The following METTL22 variants were observed in gnomAD, a reference collection of about 807,000 sequenced individuals.
METTL22 encodes the protein methyltransferase-like protein 22.
A neutral mutation model predicts 48.4 loss-of-function variants in METTL22; 51 were observed. The ratio of observed to expected loss-of-function variants is 1.05; its 90% CI spans 0.84 to 1.33. The LOEUF is 1.33. METTL22 is among the 40% of genes most tolerant of loss of function. METTL22 has a pLI of 0.00. For missense variants in METTL22, 678 were observed against 526.9 expected (o/e 1.29, Z -2.81); for synonymous variants, 255 against 214.1 (o/e 1.19, Z -1.67).
At chr16:8,658,313 T>C in the METTL22 span, among the ~76,000 whole-genome samples, 3 of 152,254 alleles carry the variant, frequency 2.0e-5, no homozygotes, top group African/African-American at 7.2e-5. Flanking sequence ...TGCGGACTTC[T>C]GGTTTACAGA....
At chr16:8,637,526 G>C (rs1371492696) in intron 5 of METTL22, among the ~76,000 whole-genome samples, 2 of 152,258 alleles carry the variant, frequency 1.3e-5, no homozygotes, top group African/African-American at 4.8e-5. Flanking sequence ...ACTTCACAGT[G>C]ACTCTGGGCA....
At chr16:8,645,036 C>G (rs918038981) in intron 10 of METTL22, 2 of 215,894 alleles carry the variant, frequency 9.3e-6, no homozygotes, top group Non-Finnish European at 1.8e-5. Context: ...GTTTGGGGAA[C>G]AGGAAGTCAG....
At chr16:8,660,467 C>A in the METTL22 span, among the ~76,000 whole-genome samples, 87,546 of 151,772 alleles carry the variant, frequency 0.58, 27,342 homozygotes, top group East Asian at 0.89. Context: ...GTGTGACCCA[C>A]TGCGCCCAGC....
At chr16:8,626,379 C>T (rs1301428145) in intron 2 of METTL22, among the ~76,000 whole-genome samples, 1 of 151,968 alleles carries the variant, frequency 6.6e-6, no homozygotes, top group Admixed American at 6.6e-5. Context: ...ATGAGCCAAA[C>T]TTTGCCGTCA....
At chr16:8,658,028 G>A in the METTL22 span, among the ~76,000 whole-genome samples, 43 of 152,210 alleles carry the variant, frequency 2.8e-4, no homozygotes, top group East Asian at 6.6e-3. Flanking sequence ...TGTTGCCCAG[G>A]CTGGTCTCAA....
intron 5 of METTL22, 67 bp from the exon 6 acceptor site, chr16:8,639,024 G>A: frequency 7.2e-7 from 1 of 1,386,572 alleles, no homozygotes; most frequent in South Asian, 1.2e-5. Flanking sequence ...CTCTCTCTAG[G>A]CAAAAAACAT....
the METTL22 span, among the ~76,000 whole-genome samples, chr16:8,661,555 G>A: frequency 7.4e-6 from 1 of 135,478 alleles, no homozygotes; most frequent in Non-Finnish European, 1.6e-5. Flanking sequence ...CTGAGGAGGA[G>A]AATGGCGTGA....
At chr16:8,642,635 T>A in intron 9 of METTL22, 70 bp downstream of exon 9, 1 of 1,400,598 alleles carries the variant, frequency 7.1e-7, no homozygotes, top group Non-Finnish European at 1.0e-6. Flanking sequence ...CCTAATTGTG[T>A]CCTTGTCAGT....
intron 3 of METTL22, among the ~76,000 whole-genome samples, chr16:8,630,738 G>A (rs1045828411): frequency 2.6e-5 from 4 of 152,158 alleles, no homozygotes; most frequent in South Asian, 2.1e-4. Flanking sequence ...GCCCTGTTCC[G>A]GTGACCTCAC....
At chr16:8,641,025 G>C (rs995665112) in intron 6 of METTL22, 106 bp from the exon 7 acceptor site, 17 of 1,036,078 alleles carry the variant, frequency 1.6e-5, no homozygotes, top group East Asian at 5.2e-5. Context: ...TGAGAGCAAG[G>C]GTGGGTGGGT....
the METTL22 span, among the ~76,000 whole-genome samples, chr16:8,659,192 A>G: frequency 6.6e-6 from 1 of 152,100 alleles, no homozygotes; most frequent in Non-Finnish European, 1.5e-5. Flanking sequence ...TTAGTTGGGC[A>G]CAGTGGTGTG....
At chr16:8,623,187 G>A (rs1016972739) in intron 1 of METTL22, among the ~76,000 whole-genome samples, 1 of 151,964 alleles carries the variant, frequency 6.6e-6, no homozygotes, top group Non-Finnish European at 1.5e-5. Flanking sequence ...TGTGGTGCAT[G>A]CCTGTAGTCC....
chr16:8,628,847 G>A lies in METTL22; in HGVS notation c.251G>A (p.Ser84Asn). The A allele has an allele frequency of 5.6e-6, 9 of 1,614,150 alleles. No homozygotes were observed. The highest frequency in any genetic ancestry group is 7.6e-6 in the Non-Finnish European group (9 of 1,180,036). The change falls in exon 3 of 11, where the codon AGC becomes AAC. Residue 84 changes from serine (S) to asparagine (N), a missense_variant. Transcript: ENST00000381920. ...GAGCCTCCTTCTGCTGAGACAGGCA[G>A]CACAGGGTCCCCTCCAGGAAGTGGC... Reference protein sequence around the residue: ...TKEPPSAETGSTGSPPGSGHG... With the variant: ...TKEPPSAETGNTGSPPGSGHG...
At chr16:8,654,703 C>G in the METTL22 span, among the ~76,000 whole-genome samples, 1 of 152,132 alleles carries the variant, frequency 6.6e-6, no homozygotes, top group African/African-American at 2.4e-5. Context: ...CAAATCATCC[C>G]TTGGGTGGGT....
At chr16:8,660,041 G>A in the METTL22 span, among the ~76,000 whole-genome samples, 1 of 151,884 alleles carries the variant, frequency 6.6e-6, no homozygotes, top group Non-Finnish European at 1.5e-5. Context: ...TTTCATTTCT[G>A]TTGAACTGAA....
At chr16:8,660,414 A>AGTGATCC in the METTL22 span, among the ~76,000 whole-genome samples, 1 of 151,860 alleles carries the variant, frequency 6.6e-6, no homozygotes, top group African/African-American at 2.4e-5. Flanking sequence ...CCTGACCTCA[A>AGTGATCC]GTGATCCGCC....
intron 9 of METTL22, 60 bp downstream of exon 9, chr16:8,642,625 C>G (rs1387762293): frequency 6.8e-7 from 1 of 1,470,840 alleles, no homozygotes; most frequent in African/African-American, 1.4e-5. Context: ...ACTCTCACCT[C>G]CTAATTGTGT....
the METTL22 span, among the ~76,000 whole-genome samples, chr16:8,658,715 C>T: frequency 2.6e-5 from 4 of 152,154 alleles, no homozygotes; most frequent in East Asian, 1.9e-4. Context: ...TTTGGGAGGG[C>T]GGGGACTTGG....
At chr16:8,632,845 C>T (rs968915131) in intron 3 of METTL22, among the ~76,000 whole-genome samples, 1 of 152,180 alleles carries the variant, frequency 6.6e-6, no homozygotes, top group Non-Finnish European at 1.5e-5. Flanking sequence ...TCCTCATTCT[C>T]CCTCAAGGGA....
Sources: allele counts gnomAD v4.1 joint callset (sites outside exome capture counted in the v4.1 genomes callset), GRCh38; gene constraint gnomAD v4.1.1; transcripts MANE v1.5; gene names NCBI Gene and HGNC (gene_info 2026-07-23, HGNC 2026-07-21).